The following DAW1 variants were observed in gnomAD, a reference collection of about 807,000 sequenced individuals.
DAW1 encodes the protein dynein assembly factor with WD repeat domains 1.
A neutral mutation model predicts 56.5 loss-of-function variants in DAW1; 47 were observed. The ratio of observed to expected loss-of-function variants is 0.83; its 90% CI spans 0.66 to 1.06. The LOEUF (loss-of-function observed/expected upper bound fraction) is 1.06. Among genes scored for constraint, DAW1 ranks in the 50% least tolerant of loss-of-function variants. DAW1 has a pLI of 0.00. For synonymous variants in DAW1, 190 were observed against 179.0 expected (o/e 1.06, Z -0.49); for missense variants, 505 against 499.3 (o/e 1.01, Z -0.11).
At chr2:227,910,787 A>G (rs904441155) in intron 10 of DAW1, among the ~76,000 whole-genome samples, 1 of 152,150 alleles carries the variant, frequency 6.6e-6, no homozygotes, top group Non-Finnish European at 1.5e-5. Context: ...ATATTTTTGC[A>G]TCATTTCCCT....
intron 3 of DAW1, 26 bp from the exon 4 acceptor site, chr2:227,891,229 A>C (rs1574654432): frequency 5.0e-6 from 8 of 1,604,386 alleles, no homozygotes; most frequent in Admixed American, 1.7e-5. Context: ...TTTGAGTCTA[A>C]AAAATGGTGT....
intron 5 of DAW1, among the ~76,000 whole-genome samples, chr2:227,896,431 A>G (rs759327464): frequency 6.6e-6 from 1 of 152,106 alleles, no homozygotes; most frequent in Non-Finnish European, 1.5e-5. Context: ...TGACTCTTCA[A>G]CTGAATTCTA....
chr2:227,909,459 CATAT>C (rs1180978664), intron 10 of DAW1, among the ~76,000 whole-genome samples: 1 of 149,672 alleles, frequency 6.7e-6, no homozygotes, highest in East Asian at 1.9e-4. Context: ...TACACACACA[CATAT>C]ATATAGTATA....
At chr2:227,920,676 A>T (rs570997650) in intron 11 of DAW1, among the ~76,000 whole-genome samples, 15 of 151,860 alleles carry the variant, frequency 9.9e-5, no homozygotes, top group African/African-American at 3.4e-4. Flanking sequence ...ATTTATTTTT[A>T]TTTTTTATTA....
intron 12 of DAW1, among the ~76,000 whole-genome samples, chr2:227,923,240 A>G (rs910065049): frequency 2.8e-4 from 43 of 152,184 alleles, no homozygotes; most frequent in African/African-American, 1.0e-3. Flanking sequence ...AATCTACTCT[A>G]TTTTCCGAGT....
chr2:227,905,677 T>C (rs763038797), intron 8 of DAW1, among the ~76,000 whole-genome samples: 3 of 152,244 alleles, frequency 2.0e-5, no homozygotes, highest in African/African-American at 7.2e-5. Flanking sequence ...ACCCATGTCT[T>C]TTTGAAATGT....
intron 6 of DAW1, among the ~76,000 whole-genome samples, chr2:227,901,527 A>G (rs1291003201): frequency 2.0e-5 from 3 of 152,158 alleles, no homozygotes; most frequent in African/African-American, 7.2e-5. Flanking sequence ...GAGTATGGAG[A>G]GGGACTGACA....
At chr2:227,871,917 A>G (rs1487125337) in intron 1 of DAW1, among the ~76,000 whole-genome samples, 188 bp downstream of exon 1, 1 of 152,202 alleles carries the variant, frequency 6.6e-6, no homozygotes, top group Non-Finnish European at 1.5e-5. Flanking sequence ...AAACATTAAC[A>G]ATTACTCTTT....
At chr2:227,905,112 G>A in intron 8 of DAW1, 77 bp downstream of exon 8, 2 of 1,221,458 alleles carry the variant, frequency 1.6e-6, no homozygotes, top group Non-Finnish European at 2.3e-6. Flanking sequence ...TTTAGTTTAA[G>A]CTACTATCTA....
chr2:227,914,800 TATG>T (rs530927471), intron 10 of DAW1, among the ~76,000 whole-genome samples: 6 of 152,256 alleles, frequency 3.9e-5, no homozygotes, highest in African/African-American at 1.2e-4. Context: ...TTGGAATCAA[TATG>T]ATATCTGTCT....
chr2:227,884,239 T>C (rs536754936), intron 1 of DAW1, among the ~76,000 whole-genome samples: 101 of 152,358 alleles, frequency 6.6e-4, no homozygotes, highest in African/African-American at 2.4e-3. Flanking sequence ...CATTTTTTCA[T>C]TTGTTTCAAG....
chr2:227,892,457 A>G (rs748884346), intron 4 of DAW1, among the ~76,000 whole-genome samples: 13 of 152,180 alleles, frequency 8.5e-5, no homozygotes, highest in Non-Finnish European at 1.6e-4. Context: ...TAATAATTAT[A>G]TCTGCAAGAT....
intron 10 of DAW1, among the ~76,000 whole-genome samples, chr2:227,915,126 A>G (rs1197934834): frequency 1.3e-5 from 2 of 152,110 alleles, no homozygotes; most frequent in Non-Finnish European, 2.9e-5. Context: ...TTTATTAAGT[A>G]TGTGTTATGG....
At chr2:227,890,875 A>G (rs1015718819) in intron 3 of DAW1, among the ~76,000 whole-genome samples, 3 of 152,224 alleles carry the variant, frequency 2.0e-5, no homozygotes, top group African/African-American at 7.2e-5. Context: ...ATATGCATTC[A>G]ATAAATATTC....
intron 10 of DAW1, among the ~76,000 whole-genome samples, chr2:227,918,293 G>A (rs911335320): frequency 2.0e-5 from 3 of 152,126 alleles, no homozygotes; most frequent in Non-Finnish European, 4.4e-5. Context: ...CAGGAAAAAA[G>A]CATTCTATTA....
At chr2:227,909,817 T>A (rs1691774727) in intron 10 of DAW1, among the ~76,000 whole-genome samples, 1 of 152,184 alleles carries the variant, frequency 6.6e-6, no homozygotes, top group African/African-American at 2.4e-5. Flanking sequence ...ATGGATTGGA[T>A]GATGCCTGCC....
In DAW1 at chr2:227,907,103, C is replaced by T. The variant is rs779511208; in HGVS notation, c.859-35C>T. The stretch of plus-strand genomic sequence containing the variant: ...CACACTTCAGACAGAAAGTCATAGT[C>T]TTTTTTTTTTTGTTTTTTGTTCTTT... On this transcript the variant is annotated intron_variant, in intron 9 of 12. Coordinates refer to ENST00000309931, the MANE Select transcript of DAW1 (RefSeq NM_178821.3). 9.6e-6 allele frequency: 11 copies of T among 1,143,620 alleles called. No homozygotes were observed. The South Asian group carries it at 1.4e-4, about 15-fold the overall frequency. The allele number at this position is 1,143,620 out of a possible 1,614,324, so 70.8% of individuals were successfully genotyped here.
Position 227,889,871 on chromosome 2 carries a change from G to T in DAW1, c.129G>T (p.Ala43=). 1 of 1,599,114 alleles carries T rather than the reference G, an allele frequency of 6.3e-7. No individual in the cohort carries two copies. The highest frequency in any genetic ancestry group is 2.3e-5 in the East Asian group (1 of 44,256). Residue 43 remains alanine, a synonymous_variant, in exon 3 of 13, where the codon GCG becomes GCT. Coordinates refer to ENST00000309931, the MANE Select transcript of DAW1 (RefSeq NM_178821.3). The stretch of plus-strand genomic sequence containing the variant: ...TGTATTTCAGCACTGATGTCAGTGC[G>T]TTAGTAGAAGAAATCCAGAAGGCAG... The part of the protein sequence containing the change: ...LDLGPSTDVS[A]LVEEIQKAEP...
intron 2 of DAW1, among the ~76,000 whole-genome samples, chr2:227,888,201 A>G (rs1308152160): frequency 2.0e-5 from 3 of 152,218 alleles, no homozygotes; most frequent in Admixed American, 6.5e-5. Context: ...TACCAACTCA[A>G]TAAATGTCAA....
Sources: gnomAD v4.1 joint callset for allele counts (sites outside exome capture counted in the v4.1 genomes callset) on GRCh38, gnomAD v4.1.1 for gene constraint, MANE v1.5 for transcripts, NCBI Gene and HGNC (gene_info 2026-07-23, HGNC 2026-07-21) for gene names.